Variants in MACROD2 observed in about 807,000 individuals in gnomAD.
The protein encoded by MACROD2 is ADP-ribose glycohydrolase MACROD2.
In MACROD2, 36 loss-of-function variants were observed where a neutral mutation model predicts 70.4. The ratio of observed to expected loss-of-function variants is 0.51; its 90% CI spans 0.39 to 0.68. The LOEUF (loss-of-function observed/expected upper bound fraction) is 0.68, where lower values mean the gene tolerates loss of function less well. MACROD2 is among the 30% of genes least tolerant of loss of function. MACROD2 has a pLI of 0.00. For missense variants in MACROD2, 496 were observed against 538.4 expected (o/e 0.92, Z 0.78); for synonymous variants, 172 against 178.8 (o/e 0.96, Z 0.30).
intron 15 of MACROD2, among the ~76,000 whole-genome samples, chr20:15,988,105 T>A (rs1049198250): frequency 3.3e-5 from 5 of 152,184 alleles, no homozygotes; most frequent in Non-Finnish European, 4.4e-5. Context: ...ACAGTTTAAT[T>A]GCTAAACCAT....
chr20:14,523,897 G>A (rs542697515), intron 4 of MACROD2, among the ~76,000 whole-genome samples: 1 of 152,136 alleles, frequency 6.6e-6, no homozygotes, highest in Non-Finnish European at 1.5e-5. Flanking sequence ...TTTGTCTCCT[G>A]CAATTGCCCT....
chr20:15,639,889 AAGG>A (rs894349785), intron 8 of MACROD2, among the ~76,000 whole-genome samples: 3 of 151,868 alleles, frequency 2.0e-5, no homozygotes, highest in Admixed American at 6.6e-5. Context: ...ATGTAGGAGA[AAGG>A]AGAGAAAAAG....
intron 8 of MACROD2, among the ~76,000 whole-genome samples, chr20:15,730,655 T>C (rs993472911): frequency 2.6e-5 from 4 of 151,904 alleles, no homozygotes; most frequent in Non-Finnish European, 5.9e-5. Context: ...ATCTAATGAT[T>C]GGTGTTTTGG....
chr20:15,964,681 A>C (rs1176283594), intron 12 of MACROD2, among the ~76,000 whole-genome samples: 1 of 152,202 alleles, frequency 6.6e-6, no homozygotes, highest in Non-Finnish European at 1.5e-5. Flanking sequence ...CTGCACTGCC[A>C]CTTCAAACCT....
intron 8 of MACROD2, among the ~76,000 whole-genome samples, chr20:15,719,096 G>A (rs1286332944): frequency 2.0e-5 from 3 of 151,910 alleles, no homozygotes; most frequent in Non-Finnish European, 4.4e-5. Context: ...ATTTAATTCT[G>A]CACACAGAGA....
At chr20:14,365,494 A>T (rs1457710003) in intron 3 of MACROD2, among the ~76,000 whole-genome samples, 1 of 151,442 alleles carries the variant, frequency 6.6e-6, no homozygotes, top group East Asian at 1.9e-4. Context: ...ATTATTGTAT[A>T]TTTTTTACCC....
At chr20:14,203,471 G>T (rs2148749128) in intron 3 of MACROD2, among the ~76,000 whole-genome samples, 1 of 151,878 alleles carries the variant, frequency 6.6e-6, no homozygotes, top group Non-Finnish European at 1.5e-5. Flanking sequence ...TGTTTCTTGT[G>T]TCCTTCTGTT....
At chr20:15,368,220 G>GTAA (rs2045439508) in intron 6 of MACROD2, among the ~76,000 whole-genome samples, 1 of 152,024 alleles carries the variant, frequency 6.6e-6, no homozygotes, top group African/African-American at 2.4e-5. Flanking sequence ...CAGACTCTCA[G>GTAA]GCCCACCCCC....
intron 5 of MACROD2, among the ~76,000 whole-genome samples, chr20:15,186,456 A>C (rs2076535311): frequency 6.6e-6 from 1 of 152,144 alleles, no homozygotes; most frequent in Non-Finnish European, 1.5e-5. Flanking sequence ...TTGTCTTCAT[A>C]ATTGAATTCT....
At chr20:15,069,049 A>G (rs983801950) in intron 5 of MACROD2, among the ~76,000 whole-genome samples, 1 of 152,186 alleles carries the variant, frequency 6.6e-6, no homozygotes, top group Non-Finnish European at 1.5e-5. Flanking sequence ...AGTTATTGGG[A>G]ACTAGTGTAG....
At chr20:14,959,754 C>G (rs998455469) in intron 5 of MACROD2, among the ~76,000 whole-genome samples, 6 of 152,192 alleles carry the variant, frequency 3.9e-5, no homozygotes, top group Non-Finnish European at 7.3e-5. Flanking sequence ...AAGCCCTATT[C>G]CATCTGCCTG....
At chr20:15,663,892 C>T (rs6110712) in intron 8 of MACROD2, among the ~76,000 whole-genome samples, 2 of 152,150 alleles carry the variant, frequency 1.3e-5, no homozygotes, top group Non-Finnish European at 1.5e-5. Context: ...AAAAGCAGTG[C>T]GTGTTGCTTC....
At chr20:15,918,167 A>C (rs6043616) in intron 10 of MACROD2, among the ~76,000 whole-genome samples, 22,017 of 152,242 alleles carry the variant, frequency 0.14, 1,727 homozygotes, top group South Asian at 0.28. Context: ...AGGACTCACT[A>C]TTAGTTGTAA....
At chr20:15,653,302 G>A (rs1012776686) in intron 8 of MACROD2, among the ~76,000 whole-genome samples, 1 of 152,168 alleles carries the variant, frequency 6.6e-6, no homozygotes, top group African/African-American at 2.4e-5. Context: ...ATGATACAAA[G>A]ATGAGAAGCA....
intron 5 of MACROD2, among the ~76,000 whole-genome samples, chr20:14,815,688 G>A (rs920979720): frequency 1.3e-5 from 2 of 151,930 alleles, no homozygotes; most frequent in Admixed American, 6.6e-5. Flanking sequence ...AAGCACAAGC[G>A]ATCAATAAAT....
chr20:14,377,369 A>G (rs184127961), intron 3 of MACROD2, among the ~76,000 whole-genome samples: 1 of 152,308 alleles, frequency 6.6e-6, no homozygotes, highest in Non-Finnish European at 1.5e-5. Context: ...AGACCACACC[A>G]TCACTCCTGT....
At chr20:15,503,871 G>A (rs922738203) in intron 8 of MACROD2, among the ~76,000 whole-genome samples, 2 of 152,104 alleles carry the variant, frequency 1.3e-5, no homozygotes, top group Non-Finnish European at 2.9e-5. Flanking sequence ...CAAAAAAGAG[G>A]AATCTATGTA....
chr20:14,929,719 T>G (rs755595309), intron 5 of MACROD2, among the ~76,000 whole-genome samples: 69 of 152,216 alleles, frequency 4.5e-4, no homozygotes, highest in Admixed American at 1.8e-3. Flanking sequence ...AGTCACCTTA[T>G]TAACGTAAAC....
At chr20:14,873,473 T>G (rs560344645) in intron 5 of MACROD2, among the ~76,000 whole-genome samples, 1 of 152,248 alleles carries the variant, frequency 6.6e-6, no homozygotes, top group South Asian at 2.1e-4. Context: ...TATTGAGAAT[T>G]GAAATGAAAA....
Sources: allele counts gnomAD v4.1 joint callset (sites outside exome capture counted in the v4.1 genomes callset), GRCh38; gene constraint gnomAD v4.1.1; transcripts MANE v1.5; gene names NCBI Gene and HGNC (gene_info 2026-07-23, HGNC 2026-07-21).